MAST2: variants seen among roughly 807,000 people sequenced by gnomAD.
MAST2 encodes microtubule-associated serine/threonine-protein kinase 2.
MAST2 carries 70 observed loss-of-function variants against 147.4 expected under a neutral mutation model. The observed-to-expected ratio is 0.47, with a 90% CI of 0.39 to 0.58. The LOEUF (loss-of-function observed/expected upper bound fraction) is 0.58, where lower values mean the gene tolerates loss of function less well. Among genes scored for constraint, MAST2 ranks in the 20% least tolerant of loss-of-function variants. The pLI, the probability that MAST2 is intolerant of heterozygous loss-of-function variation, is 0.00. For missense variants in MAST2, 2,080 were observed against 2,302.3 expected (o/e 0.90, Z 1.98); for synonymous variants, 869 against 896.8 (o/e 0.97, Z 0.55).
At chr1:45,866,943 G>A (rs1646178643) in intron 3 of MAST2, among the ~76,000 whole-genome samples, 1 of 151,984 alleles carries the variant, frequency 6.6e-6, no homozygotes, top group Non-Finnish European at 1.5e-5. Flanking sequence ...TAGAGACGGT[G>A]TTTCACCATG....
chr1:45,830,037 A>G (rs1340919177), intron 3 of MAST2, among the ~76,000 whole-genome samples: 1 of 151,390 alleles, frequency 6.6e-6, no homozygotes, highest in African/African-American at 2.4e-5. Context: ...TTGTATTACT[A>G]GTAGAGATGG....
chr1:45,812,749 G>T (rs1644342267), intron 1 of MAST2, among the ~76,000 whole-genome samples: 1 of 152,148 alleles, frequency 6.6e-6, no homozygotes, highest in Non-Finnish European at 1.5e-5. Flanking sequence ...AATAGTCCGT[G>T]TAACATTTTC....
At chr1:45,968,634 T>C (rs1643740039) in intron 5 of MAST2, among the ~76,000 whole-genome samples, 1 of 152,080 alleles carries the variant, frequency 6.6e-6, no homozygotes, top group Non-Finnish European at 1.5e-5. Context: ...TTTGTGTACC[T>C]TTGGTTTTCT....
At chr1:45,807,157 C>T (rs1379292225) in intron 1 of MAST2, among the ~76,000 whole-genome samples, 1 of 152,150 alleles carries the variant, frequency 6.6e-6, no homozygotes, top group African/African-American at 2.4e-5. Context: ...AACTATTTGT[C>T]ACTGTTGACT....
At chr1:45,856,172 G>A (rs1367682608) in intron 3 of MAST2, among the ~76,000 whole-genome samples, 6 of 152,250 alleles carry the variant, frequency 3.9e-5, no homozygotes, top group Middle Eastern at 3.4e-3. Flanking sequence ...TGTAATTAAT[G>A]TTTGAGGTCA....
At chr1:45,929,355 G>C (rs1156506134) in intron 4 of MAST2, among the ~76,000 whole-genome samples, 1 of 152,116 alleles carries the variant, frequency 6.6e-6, no homozygotes, top group Non-Finnish European at 1.5e-5. Context: ...TTACTGCTTC[G>C]TTGTGAAGAT....
chr1:45,879,418 T>C (rs1570504656), intron 3 of MAST2, among the ~76,000 whole-genome samples: 1 of 151,534 alleles, frequency 6.6e-6, no homozygotes, highest in East Asian at 1.9e-4. Flanking sequence ...ACTAAGAATA[T>C]AAAAATTAGC....
At chr1:45,925,895 C>G (rs1432072055) in intron 4 of MAST2, among the ~76,000 whole-genome samples, 1 of 152,170 alleles carries the variant, frequency 6.6e-6, no homozygotes, top group Non-Finnish European at 1.5e-5. Context: ...CTATGTCACA[C>G]GTATGAGAGA....
rs757519405 is a variant in MAST2 at position 46,035,288 on chromosome 1, A to G, written c.4619A>G (p.Glu1540Gly). Residue 1540 changes from glutamate (E) to glycine (G), a missense_variant, in exon 29 of 29, where the codon GAG becomes GGG. By Grantham distance (98) the Glu-to-Gly change is moderately conservative (BLOSUM62 -2). Transcript: ENST00000361297. This position sits in a 1 kb window ranked among gnomAD's most constrained non-coding sequence, Gnocchi z 5.5. ...SQSVAPKGAG[E>G]SGEEDPFPSR... ...AGTGTGGCCCCTAAAGGAGCAGGAG[A>G]GAGTGGGGAAGAGGATCCTTTCCCG... is the stretch of plus-strand genomic sequence containing the variant. The G allele has an allele frequency of 1.2e-6, 2 of 1,613,772 alleles. No homozygotes were observed. The highest frequency in any genetic ancestry group is 2.7e-5 in the African/African-American group (2 of 74,864).
In MAST2 at chr1:45,996,919, G is replaced by A. The variant is rs551645751; in HGVS notation, c.593-805G>A. 1.4e-4 allele frequency among the ~76,000 whole-genome samples: 22 copies of A among 152,264 alleles called. No individual in the cohort carries two copies. In the South Asian group the frequency reaches 4.4e-3, roughly 30 times the overall value. ...AGTGAGGAGGTGGACAGGGGTTAGA[G>A]GGGAGCCAGCACAGCATGGAGTATG... On this transcript the variant is annotated intron_variant, in intron 5 of 28. Transcript: ENST00000361297.
At chr1:45,919,391 GA>G (rs1041554632) in intron 4 of MAST2, among the ~76,000 whole-genome samples, 1 of 150,584 alleles carries the variant, frequency 6.6e-6, no homozygotes, top group African/African-American at 2.4e-5. Flanking sequence ...GAAGCCAGTT[GA>G]AAAAAAAATG....
intron 4 of MAST2, among the ~76,000 whole-genome samples, chr1:45,921,669 C>T (rs559033114): frequency 1.5e-3 from 221 of 152,294 alleles, no homozygotes; most frequent in African/African-American, 5.1e-3. Context: ...CACAAGGGAA[C>T]GCGGTGGTGC....
At chr1:46,001,366 T>G (rs1426345996) in intron 6 of MAST2, among the ~76,000 whole-genome samples, 1 of 152,216 alleles carries the variant, frequency 6.6e-6, no homozygotes, top group African/African-American at 2.4e-5. Flanking sequence ...GAGAAATTGC[T>G]GCCATGCAGC....
At chr1:45,844,508 T>C (rs1281652619) in intron 3 of MAST2, among the ~76,000 whole-genome samples, 2 of 152,264 alleles carry the variant, frequency 1.3e-5, no homozygotes, top group East Asian at 1.9e-4. Context: ...GGTCCCAAAC[T>C]CCTGGCCTCA....
Position 46,023,626 on chromosome 1 carries a change from G to C in MAST2, c.1572-146G>C. On this transcript the variant is annotated intron_variant, in intron 14 of 28. Transcript: ENST00000361297. The surrounding 1 kb of genome is among the most constrained non-coding windows in gnomAD (Gnocchi z 4.9). ...GTTTAAGAGTTCTATGGACCAGGGG[G>C]TCCCAGACCCTTCTCACTGATATGC... 1.4e-6 allele frequency: 1 copy of C among 721,044 alleles called. No individual in the cohort carries two copies. Among genetic ancestry groups the C allele is most frequent in the South Asian group, 1.8e-5 (1 of 55,156 alleles). The allele number at this position is 721,044 out of a possible 1,614,324, so 44.7% of individuals were successfully genotyped here. A position where few individuals can be genotyped will look rare whatever the true frequency, so the allele number is the denominator to read the frequency against.
intron 4 of MAST2, among the ~76,000 whole-genome samples, chr1:45,884,698 T>C (rs1647005227): frequency 6.6e-6 from 1 of 152,228 alleles, no homozygotes; most frequent in Non-Finnish European, 1.5e-5. Flanking sequence ...AGTTCTTTAA[T>C]ATAAACAATA....
intron 6 of MAST2, 22 bp downstream of exon 6, chr1:45,997,821 T>G (rs200639246): frequency 6.2e-7 from 1 of 1,603,134 alleles, no homozygotes. Flanking sequence ...GGAAACCTCC[T>G]CTGGGACCAG....
Position 45,902,760 on chromosome 1 carries a change from T to C in MAST2, c.500+20365T>C, listed in dbSNP as rs983433342. ...ATTCATGTCTTCTAGGTTTCTCTGG[T>C]TTATGCTCATAGAGATGTTATAGTA... On this transcript the variant is annotated intron_variant, in intron 4 of 28. Transcript: ENST00000361297. 1.3e-4 allele frequency among the ~76,000 whole-genome samples: 20 copies of C among 152,252 alleles called. No homozygotes were observed. The East Asian group carries it at 3.9e-3, about 29-fold the overall frequency.
chr1:45,890,696 A>G (rs979497029), intron 4 of MAST2, among the ~76,000 whole-genome samples: 13 of 152,218 alleles, frequency 8.5e-5, no homozygotes, highest in African/African-American at 1.4e-4. Flanking sequence ...AGTCCATAGC[A>G]GATGGTAAGC....
Sources: allele counts gnomAD v4.1 joint callset (sites outside exome capture counted in the v4.1 genomes callset), GRCh38; gene constraint gnomAD v4.1.1; non-coding constraint Gnocchi (gnomAD v3.1); transcripts MANE v1.5; gene names NCBI Gene and HGNC (gene_info 2026-07-23, HGNC 2026-07-21).